The following RSU1 variants were observed in gnomAD, a reference collection of about 807,000 sequenced individuals.
The protein encoded by RSU1 is Ras suppressor protein 1, also known as rsu-1.
Under a neutral mutation model 31.1 loss-of-function variants are expected in RSU1, and 26 were observed. That is an observed-to-expected ratio of 0.84 (90% CI 0.61 to 1.16). The LOEUF (loss-of-function observed/expected upper bound fraction) is 1.16, where lower values mean the gene tolerates loss of function less well. RSU1 is among the 50% of genes most tolerant of loss of function. The pLI, the probability that RSU1 is intolerant of heterozygous loss-of-function variation, is 0.00. For synonymous variants in RSU1, 164 were observed against 136.3 expected (o/e 1.20, Z -1.41); for missense variants, 320 against 339.1 (o/e 0.94, Z 0.44).
intron 7 of RSU1, among the ~76,000 whole-genome samples, chr10:16,703,250 A>T (rs917453696): frequency 6.6e-6 from 1 of 152,188 alleles, no homozygotes; most frequent in Non-Finnish European, 1.5e-5. Context: ...AGTCTAAGGC[A>T]TTTCTTTATA....
intron 4 of RSU1, 130 bp from the exon 5 acceptor site, chr10:16,755,119 ATTTTTAT>A (rs1355533125): frequency 2.2e-5 from 11 of 510,326 alleles, no homozygotes; most frequent in Non-Finnish European, 2.5e-5. Context: ...TTTATACTTT[ATTTTTAT>A]TTTTTATTTT....
chr10:16,795,647 C>T (rs748926643), intron 2 of RSU1, among the ~76,000 whole-genome samples: 47 of 152,276 alleles, frequency 3.1e-4, no homozygotes, highest in Non-Finnish European at 5.7e-4. Flanking sequence ...CTGATACTGT[C>T]TTACTGGCTA....
intron 8 of RSU1, among the ~76,000 whole-genome samples, chr10:16,596,243 C>A: frequency 6.6e-6 from 1 of 152,152 alleles, no homozygotes; most frequent in East Asian, 1.9e-4. Flanking sequence ...ACAAAAGGGG[C>A]TCTGCAGGTG....
chr10:16,629,299 T>C (rs1317026995), intron 8 of RSU1, among the ~76,000 whole-genome samples: 1 of 152,134 alleles, frequency 6.6e-6, no homozygotes, highest in African/African-American at 2.4e-5. Flanking sequence ...TTTATGCTGC[T>C]GAACCGGCCC....
intron 2 of RSU1, among the ~76,000 whole-genome samples, chr10:16,792,060 G>C (rs1366394994): frequency 2.0e-5 from 3 of 152,192 alleles, no homozygotes; most frequent in African/African-American, 7.2e-5. Flanking sequence ...AAATGATATG[G>C]AACTTGGAAG....
intron 7 of RSU1, among the ~76,000 whole-genome samples, chr10:16,749,999 C>T (rs1291691650): frequency 1.3e-5 from 2 of 152,190 alleles, no homozygotes; most frequent in Admixed American, 6.5e-5. Flanking sequence ...TGTGTCCCCA[C>T]AGACTTGTCA....
intron 8 of RSU1, among the ~76,000 whole-genome samples, chr10:16,600,595 CT>C (rs1318445745): frequency 2.7e-5 from 4 of 148,218 alleles, no homozygotes; most frequent in Non-Finnish European, 4.4e-5. Flanking sequence ...GAGACAGGGT[CT>C]TGCTCTGTCA....
At chr10:16,644,330 G>A (rs74404343) in intron 8 of RSU1, among the ~76,000 whole-genome samples, 3,356 of 152,286 alleles carry the variant, frequency 0.022, 123 homozygotes, top group African/African-American at 0.076. Context: ...TCGATAGTCT[G>A]AGGGATCTGA....
chr10:16,679,869 GTTTTTTTTTTTTTT>G (rs71374699), intron 8 of RSU1, among the ~76,000 whole-genome samples: 1 of 124,654 alleles, frequency 8.0e-6, no homozygotes, highest in Admixed American at 8.0e-5. Context: ...AAAGACTCAA[GTTTTTTTTTTTTTT>G]TTTTTTTTTT....
At chr10:16,622,789 T>C (rs991084761) in intron 8 of RSU1, among the ~76,000 whole-genome samples, 2 of 152,182 alleles carry the variant, frequency 1.3e-5, no homozygotes, top group Non-Finnish European at 2.9e-5. Flanking sequence ...ATGCTACTCA[T>C]GAAAGTTTAT....
At chr10:16,730,699 A>G (rs1836490919) in intron 7 of RSU1, among the ~76,000 whole-genome samples, 1 of 152,260 alleles carries the variant, frequency 6.6e-6, no homozygotes, top group Admixed American at 6.5e-5. Context: ...ATTATAAAAA[A>G]TAAAAAGTAG....
At chr10:16,736,642 C>CA (rs1194653747) in intron 7 of RSU1, among the ~76,000 whole-genome samples, 7 of 151,572 alleles carry the variant, frequency 4.6e-5, no homozygotes, top group East Asian at 1.9e-4. Flanking sequence ...AACCAAAAAA[C>CA]AAAAAAACCC....
intron 8 of RSU1, among the ~76,000 whole-genome samples, chr10:16,663,077 C>T (rs1216375375): frequency 6.6e-6 from 1 of 151,980 alleles, no homozygotes; most frequent in Non-Finnish European, 1.5e-5. Context: ...AAAGCCCATT[C>T]ATGGTGTCTC....
At chr10:16,605,105 G>A (rs890220099) in intron 8 of RSU1, among the ~76,000 whole-genome samples, 2 of 152,126 alleles carry the variant, frequency 1.3e-5, no homozygotes, top group African/African-American at 2.4e-5. Context: ...GATGTTTAGT[G>A]TAAAATCATC....
intron 8 of RSU1, among the ~76,000 whole-genome samples, chr10:16,641,116 A>G (rs1834435049): frequency 1.3e-5 from 2 of 152,218 alleles, no homozygotes; most frequent in African/African-American, 4.8e-5. Flanking sequence ...ACGTTTACCT[A>G]TGTAACAAAC....
chr10:16,700,494 TAACCACAA>T (rs1400005716), intron 7 of RSU1, among the ~76,000 whole-genome samples: 3 of 152,166 alleles, frequency 2.0e-5, no homozygotes, highest in Non-Finnish European at 2.9e-5. Context: ...ACATGGAAGC[TAACCACAA>T]ATGACTCCGA....
At chr10:16,736,817 A>C (rs1474234161) in intron 7 of RSU1, among the ~76,000 whole-genome samples, 5 of 152,142 alleles carry the variant, frequency 3.3e-5, no homozygotes, top group Non-Finnish European at 7.3e-5. Context: ...CATAATAAGG[A>C]AATAAATAGT....
At chr10:16,641,923 C>T (rs1834449882) in intron 8 of RSU1, among the ~76,000 whole-genome samples, 1 of 152,154 alleles carries the variant, frequency 6.6e-6, no homozygotes, top group Non-Finnish European at 1.5e-5. Context: ...GGAACCTGGC[C>T]CAGGACCCTC....
intron 8 of RSU1, among the ~76,000 whole-genome samples, chr10:16,621,790 C>T (rs577081553): frequency 1.9e-4 from 29 of 152,252 alleles, no homozygotes; most frequent in African/African-American, 6.7e-4. Context: ...CCACTGGGTC[C>T]CTCCCACGAC....
Sources: allele counts gnomAD v4.1 joint callset (sites outside exome capture counted in the v4.1 genomes callset), GRCh38; gene constraint gnomAD v4.1.1; transcripts MANE v1.5; gene names NCBI Gene and HGNC (gene_info 2026-07-23, HGNC 2026-07-21).